UBE2K: variants seen among roughly 807,000 people sequenced by gnomAD.
UBE2K encodes ubiquitin-conjugating enzyme E2 K.
Under a neutral mutation model 30.0 loss-of-function variants are expected in UBE2K, and 6 were observed. The observed-to-expected ratio is 0.20, with a 90% CI of 0.11 to 0.39. The LOEUF (loss-of-function observed/expected upper bound fraction) is 0.39, where lower values mean the gene tolerates loss of function less well. Among genes scored for constraint, UBE2K ranks in the 10% least tolerant of loss-of-function variants. The pLI, the probability that UBE2K is intolerant of heterozygous loss-of-function variation, is 1.00. For synonymous variants in UBE2K, 86 were observed against 83.7 expected (o/e 1.03, Z -0.15); for missense variants, 61 against 241.6 (o/e 0.25, Z 4.96).
At chr4:39,769,213 G>GTTTTTTTTTTTTTTTTCCTTTTTTTTTT (rs60471860) in intron 4 of UBE2K, among the ~76,000 whole-genome samples, 1 of 128,692 alleles carries the variant, frequency 7.8e-6, no homozygotes, top group African/African-American at 2.9e-5. Context: ...GTTTCTTTTT[G>GTTTTTTTTTTTTTTTTCCTTTTTTTTTT]TTTTTTTTTT....
At position 39,767,845 on chromosome 4, in the gene UBE2K, C is replaced by T. The variant is rs28435721; in HGVS notation, c.300-6989C>T. Among the ~76,000 whole-genome samples, 894 of 151,854 alleles carry T rather than the reference C, an allele frequency of 5.9e-3. 7 individuals carry two copies. Among genetic ancestry groups the T allele is most frequent in the African/African-American group, 0.021 (849 of 41,400 alleles). ...TTTCTTTGCTATTCAGGTAAATTTC[C>T]TTTAAATAAATAATTTTATTAAAAA... On this transcript the variant is annotated intron_variant, in intron 4 of 6. Coordinates refer to ENST00000261427, the MANE Select transcript of UBE2K (RefSeq NM_005339.5).
intron 1 of UBE2K, among the ~76,000 whole-genome samples, chr4:39,732,149 A>G (rs1342771481): frequency 1.3e-5 from 2 of 152,200 alleles, no homozygotes; most frequent in African/African-American, 4.8e-5. Context: ...ACTGTGTGGC[A>G]GGCATTGTTC....
chr4:39,705,881 G>T (rs1322326207), intron 1 of UBE2K, among the ~76,000 whole-genome samples: 7 of 143,642 alleles, frequency 4.9e-5, no homozygotes, highest in Admixed American at 4.2e-4. Flanking sequence ...ACGGAGTCTC[G>T]CTTTGTCACC....
rs1338782303 is a variant in UBE2K at position 39,782,742 on chromosome 4, C to T, written c.*4308C>T. ...TTTTTAAAGATGTTGAATTTTTCCC[C>T]CCTTATTGGGAATTCTTAAAAATAA... On this transcript the variant is annotated 3_prime_UTR_variant, in exon 7 of 7. Coordinates refer to ENST00000261427, the MANE Select transcript of UBE2K (RefSeq NM_005339.5). 6.6e-6 allele frequency: 1 copy of T among 152,100 alleles called. No individual in the cohort carries two copies. The highest frequency in any genetic ancestry group is 1.5e-5 in the Non-Finnish European group (1 of 68,024). The allele number at this position is 152,100 out of a possible 1,614,324, so 9.4% of individuals were successfully genotyped here. A position where few individuals can be genotyped will look rare whatever the true frequency, so the allele number is the denominator to read the frequency against.
At chr4:39,712,894 C>A (rs895820640) in intron 1 of UBE2K, among the ~76,000 whole-genome samples, 3 of 146,286 alleles carry the variant, frequency 2.1e-5, no homozygotes, top group African/African-American at 7.6e-5. Flanking sequence ...GAGACGGAGT[C>A]TCGCTTTGTC....
intron 4 of UBE2K, chr4:39,770,969 C>A: frequency 6.3e-7 from 1 of 1,596,978 alleles, no homozygotes; most frequent in Non-Finnish European, 8.5e-7. Context: ...GGGGTCCTGG[C>A]TGGAGGGAGG....
intron 3 of UBE2K, among the ~76,000 whole-genome samples, chr4:39,750,117 C>T (rs1374205576): frequency 6.6e-6 from 1 of 152,084 alleles, no homozygotes; most frequent in African/African-American, 2.4e-5. Context: ...TCGCTTGAAC[C>T]CAAGAGGCGG....
intron 4 of UBE2K, among the ~76,000 whole-genome samples, chr4:39,763,021 A>G (rs960383101): frequency 4.2e-4 from 46 of 108,408 alleles, no homozygotes; most frequent in Non-Finnish European, 6.5e-4. Flanking sequence ...TGCAACCTCC[A>G]CCTCCCGGGT....
intron 3 of UBE2K, among the ~76,000 whole-genome samples, chr4:39,748,040 GAA>G (rs1310438815): frequency 6.6e-6 from 1 of 151,784 alleles, no homozygotes; most frequent in Non-Finnish European, 1.5e-5. Flanking sequence ...GACTCCATCT[GAA>G]AAAAAGAAAA....
intron 4 of UBE2K, among the ~76,000 whole-genome samples, 170 bp downstream of exon 4, chr4:39,755,909 A>G (rs567346161): frequency 6.6e-6 from 1 of 152,364 alleles, no homozygotes; most frequent in East Asian, 1.9e-4. Flanking sequence ...TGAGATCACA[A>G]TCCATATTTA....
chr4:39,736,707 GTAGTT>G lies in UBE2K; in HGVS notation c.64-710_64-706del, dbSNP rs1287821808. ...TGCTATAGATAGGAAAGTACTTGGA[GTAGTT>G]TAAAGTGCAAAATAAGTCAATGTAG... is the stretch of plus-strand genomic sequence containing the variant. On this transcript the variant is annotated intron_variant, in intron 1 of 6. Transcript: ENST00000261427. Among the ~76,000 whole-genome samples the G allele has an allele frequency of 2.0e-5, 3 of 152,334 alleles. No homozygotes were observed. The East Asian group carries it at 5.8e-4, about 29-fold the overall frequency.
intron 1 of UBE2K, among the ~76,000 whole-genome samples, chr4:39,736,410 C>T (rs58826568): frequency 0.081 from 12,301 of 152,154 alleles, 743 homozygotes; most frequent in East Asian, 0.22. Flanking sequence ...TGCAGTGAGC[C>T]GAGATCGTGC....
intron 1 of UBE2K, among the ~76,000 whole-genome samples, chr4:39,722,460 A>G (rs1719476815): frequency 6.6e-6 from 1 of 152,198 alleles, no homozygotes; most frequent in African/African-American, 2.4e-5. Context: ...ATTTCTTTGT[A>G]AAGGTACATT....
intron 4 of UBE2K, among the ~76,000 whole-genome samples, chr4:39,756,514 G>A (rs762146379): frequency 1.3e-4 from 19 of 151,678 alleles, no homozygotes; most frequent in Non-Finnish European, 2.5e-4. Flanking sequence ...GTGCAGTGGC[G>A]CAATCACAGC....
At chr4:39,718,183 G>A (rs1163885542) in intron 1 of UBE2K, among the ~76,000 whole-genome samples, 1 of 152,160 alleles carries the variant, frequency 6.6e-6, no homozygotes, top group Non-Finnish European at 1.5e-5. Flanking sequence ...GTTTTACAGA[G>A]AGTTGATTGG....
intron 1 of UBE2K, among the ~76,000 whole-genome samples, chr4:39,722,165 A>G (rs924116790): frequency 6.6e-6 from 1 of 152,190 alleles, no homozygotes; most frequent in African/African-American, 2.4e-5. Flanking sequence ...CACAGATTGT[A>G]TATAATTGTA....
chr4:39,715,218 A>G (rs1718987793), intron 1 of UBE2K, among the ~76,000 whole-genome samples: 1 of 150,840 alleles, frequency 6.6e-6, no homozygotes, highest in Non-Finnish European at 1.5e-5. Flanking sequence ...TTTAGTAGAG[A>G]TGGGGTTTCA....
chr4:39,746,725 A>G (rs935835149), intron 3 of UBE2K, among the ~76,000 whole-genome samples: 2 of 152,154 alleles, frequency 1.3e-5, no homozygotes, highest in Admixed American at 6.6e-5. Flanking sequence ...ACAGCTTTCT[A>G]TCAGTTTCAC....
At chr4:39,762,134 G>A (rs527392144) in intron 4 of UBE2K, among the ~76,000 whole-genome samples, 22 of 151,704 alleles carry the variant, frequency 1.5e-4, no homozygotes, top group East Asian at 5.8e-4. Context: ...AGCCGAGATC[G>A]CCTCACTGCA....
Sources: gnomAD v4.1 joint callset for allele counts (sites outside exome capture counted in the v4.1 genomes callset) on GRCh38, gnomAD v4.1.1 for gene constraint, MANE v1.5 for transcripts, NCBI Gene and HGNC (gene_info 2026-07-23, HGNC 2026-07-21) for gene names.